SGCZ: variants seen among roughly 807,000 people sequenced by gnomAD.
SGCZ encodes sarcoglycan zeta, also known as zeta-sarcoglycan.
Under a neutral mutation model 41.3 loss-of-function variants are expected in SGCZ, and 40 were observed. That is an observed-to-expected ratio of 0.97 (90% CI 0.75 to 1.26). The LOEUF (loss-of-function observed/expected upper bound fraction) is 1.26, where lower values mean the gene tolerates loss of function less well. SGCZ is among the 50% of genes most tolerant of loss of function. The probability of loss-of-function intolerance (pLI) is 0.00; values close to 1 mark genes in which losing one functional copy is unlikely to be tolerated. For missense variants in SGCZ, 552 were observed against 369.8 expected, an observed-to-expected ratio of 1.49 and a Z score of -4.04; for synonymous variants, 206 against 137.5, an observed-to-expected ratio of 1.50 and a Z score of -3.49.
At chr8:14,267,311 G>T (rs1799906862) in intron 3 of SGCZ, among the ~76,000 whole-genome samples, 1 of 151,914 alleles carries the variant, frequency 6.6e-6, no homozygotes, top group African/African-American at 2.4e-5. Context: ...AGATCAATGA[G>T]CAAAATAACC....
chr8:14,823,944 G>T (rs1037554680), intron 1 of SGCZ, among the ~76,000 whole-genome samples: 3 of 152,064 alleles, frequency 2.0e-5, no homozygotes, highest in Non-Finnish European at 4.4e-5. Context: ...GATGAACACA[G>T]AGGACATGAT....
At chr8:14,541,924 G>A (rs1158430607) in intron 2 of SGCZ, among the ~76,000 whole-genome samples, 5 of 152,076 alleles carry the variant, frequency 3.3e-5, no homozygotes, top group Admixed American at 3.3e-4. Context: ...CCACAAATAT[G>A]TCTTCTTTTC....
intron 1 of SGCZ, among the ~76,000 whole-genome samples, chr8:14,567,090 G>A (rs1159643893): frequency 2.6e-5 from 4 of 152,180 alleles, no homozygotes; most frequent in Non-Finnish European, 4.4e-5. Context: ...GGCAGGGCTC[G>A]GGACCTGCAG....
intron 1 of SGCZ, among the ~76,000 whole-genome samples, chr8:14,772,866 T>C (rs1266199512): frequency 6.6e-6 from 1 of 152,084 alleles, no homozygotes; most frequent in African/African-American, 2.4e-5. Context: ...TTTGCTGTTG[T>C]GAATAGTGCC....
At chr8:14,360,776 T>C (rs966776826) in intron 2 of SGCZ, among the ~76,000 whole-genome samples, 2 of 152,180 alleles carry the variant, frequency 1.3e-5, no homozygotes, top group African/African-American at 4.8e-5. Context: ...ACGTTCAGGT[T>C]TCCTGTGGGA....
At chr8:14,783,869 A>T (rs528953322) in intron 1 of SGCZ, among the ~76,000 whole-genome samples, 12 of 152,316 alleles carry the variant, frequency 7.9e-5, no homozygotes, top group African/African-American at 1.2e-4. Flanking sequence ...AAAATTCAGA[A>T]CAAAGATAAG....
intron 5 of SGCZ, among the ~76,000 whole-genome samples, chr8:14,123,697 GATCAATT>G (rs1208495672): frequency 6.6e-6 from 1 of 152,178 alleles, no homozygotes; most frequent in Non-Finnish European, 1.5e-5. Context: ...AAATGAAACA[GATCAATT>G]ATCAATCAAT....
intron 1 of SGCZ, among the ~76,000 whole-genome samples, chr8:15,037,161 G>C (rs970863224): frequency 1.3e-5 from 2 of 152,134 alleles, no homozygotes; most frequent in Non-Finnish European, 2.9e-5. Flanking sequence ...ATCATGAATT[G>C]TAGTCTCCAT....
intron 5 of SGCZ, among the ~76,000 whole-genome samples, chr8:14,135,594 A>C (rs1034083784): frequency 6.6e-6 from 1 of 152,162 alleles, no homozygotes; most frequent in African/African-American, 2.4e-5. Context: ...AACTATTAAA[A>C]CTCAATCGAC....
At chr8:14,971,343 T>TGTTCCTCATA (rs1801291005) in intron 1 of SGCZ, among the ~76,000 whole-genome samples, 1 of 152,190 alleles carries the variant, frequency 6.6e-6, no homozygotes, top group Non-Finnish European at 1.5e-5. Flanking sequence ...ATCCTTGTTT[T>TGTTCCTCATA]GTTCCTCATA....
chr8:14,853,294 A>G (rs1451184856), intron 1 of SGCZ: 1 of 217,228 alleles, frequency 4.6e-6, no homozygotes, highest in Non-Finnish European at 1.1e-5. Flanking sequence ...TATGAGAAAG[A>G]CAAGCTTCCA....
intron 1 of SGCZ, among the ~76,000 whole-genome samples, chr8:14,742,723 G>C (rs1157682497): frequency 6.6e-6 from 1 of 151,992 alleles, no homozygotes. Flanking sequence ...AAATACTCCT[G>C]AGAATACAAA....
At chr8:14,322,463 A>G (rs747177540) in intron 3 of SGCZ, among the ~76,000 whole-genome samples, 6 of 152,040 alleles carry the variant, frequency 3.9e-5, no homozygotes, top group African/African-American at 7.2e-5. Flanking sequence ...TCCATCCTCT[A>G]TGGTCCATAG....
intron 1 of SGCZ, among the ~76,000 whole-genome samples, chr8:15,180,465 A>C (rs1800138032): frequency 6.6e-6 from 1 of 152,146 alleles, no homozygotes; most frequent in Non-Finnish European, 1.5e-5. Context: ...AAATTATTCT[A>C]CATCTGCTCT....
At chr8:14,464,534 T>G (rs940090529) in intron 2 of SGCZ, among the ~76,000 whole-genome samples, 6 of 150,838 alleles carry the variant, frequency 4.0e-5, no homozygotes, top group Admixed American at 2.0e-4. Context: ...GTTGTGTTGA[T>G]CTTTTCAAAG....
At chr8:14,217,815 G>C (rs1806053533) in intron 4 of SGCZ, among the ~76,000 whole-genome samples, 2 of 151,636 alleles carry the variant, frequency 1.3e-5, no homozygotes, top group South Asian at 2.1e-4. Context: ...ATTTTTGGTA[G>C]AGACAAGGTT....
intron 1 of SGCZ, among the ~76,000 whole-genome samples, chr8:14,685,635 T>C (rs113219975): frequency 1.8e-3 from 276 of 152,254 alleles, no homozygotes; most frequent in African/African-American, 6.4e-3. Context: ...TCACTACATA[T>C]GAGTTATTAA....
intron 3 of SGCZ, among the ~76,000 whole-genome samples, chr8:14,293,221 CAGAAA>C (rs1800899186): frequency 6.6e-6 from 1 of 151,944 alleles, no homozygotes; most frequent in Admixed American, 6.6e-5. Context: ...ACAAAGATGA[CAGAAA>C]AATCCCAGTG....
chr8:14,901,242 T>G (rs1025392963), intron 1 of SGCZ, among the ~76,000 whole-genome samples: 1 of 152,122 alleles, frequency 6.6e-6, no homozygotes, highest in African/African-American at 2.4e-5. Flanking sequence ...ACTTAAGAAA[T>G]AATTGCTCCA....
Sources: gnomAD v4.1 joint callset for allele counts (sites outside exome capture counted in the v4.1 genomes callset) on GRCh38, gnomAD v4.1.1 for gene constraint, MANE v1.5 for transcripts, NCBI Gene and HGNC (gene_info 2026-07-23, HGNC 2026-07-21) for gene names.